The following LARGE1 variants were observed in gnomAD, a reference collection of about 807,000 sequenced individuals.
LARGE1 encodes xylosyl- and glucuronyltransferase LARGE1.
Under a neutral mutation model 87.6 loss-of-function variants are expected in LARGE1, and 43 were observed. That is an observed-to-expected ratio of 0.49 (90% CI 0.38 to 0.63). The LOEUF (loss-of-function observed/expected upper bound fraction) is 0.63, where lower values mean the gene tolerates loss of function less well. Among genes scored for constraint, LARGE1 ranks in the 30% least tolerant of loss-of-function variants. The probability of loss-of-function intolerance (pLI) is 0.00; values close to 1 mark genes in which losing one functional copy is unlikely to be tolerated. For synonymous variants in LARGE1, 434 were observed against 394.6 expected, an observed-to-expected ratio of 1.10 and a Z score of -1.18; for missense variants, 802 against 1,000.2, an observed-to-expected ratio of 0.80 and a Z score of 2.67.
chr22:33,527,611 C>T (rs2071977822), intron 6 of LARGE1, among the ~76,000 whole-genome samples: 1 of 152,062 alleles, frequency 6.6e-6, no homozygotes. Flanking sequence ...TGACACCCAC[C>T]CCACCCAGAG....
intron 2 of LARGE1, among the ~76,000 whole-genome samples, chr22:33,720,347 G>A (rs1308499154): frequency 6.6e-6 from 1 of 152,104 alleles, no homozygotes; most frequent in East Asian, 1.9e-4. Context: ...ATGGGGAGTG[G>A]CTGTAAATAC....
At chr22:33,086,249 T>A in the LARGE1 span, among the ~76,000 whole-genome samples, 1 of 152,238 alleles carries the variant, frequency 6.6e-6, no homozygotes, top group Non-Finnish European at 1.5e-5. Flanking sequence ...AGAAAAATTT[T>A]ATTTCCCACA....
the LARGE1 span, among the ~76,000 whole-genome samples, chr22:33,131,405 T>C: frequency 9.2e-3 from 1,396 of 152,268 alleles, 17 homozygotes; most frequent in African/African-American, 0.03. Flanking sequence ...TGTTCTCTCA[T>C]GTCTCATTGC....
intron 2 of LARGE1, among the ~76,000 whole-genome samples, chr22:33,677,784 TTGTC>T (rs1411674586): frequency 1.3e-5 from 2 of 152,234 alleles, no homozygotes; most frequent in East Asian, 3.8e-4. Flanking sequence ...TACACCCTGT[TTGTC>T]TGTCCAAATT....
intron 1 of LARGE1, among the ~76,000 whole-genome samples, chr22:33,841,831 A>ACTTG (rs1385563713): frequency 6.6e-6 from 1 of 152,218 alleles, no homozygotes; most frequent in African/African-American, 2.4e-5. Flanking sequence ...AGGCTATGTG[A>ACTTG]CTTGCCCTGA....
In LARGE1 at chr22:33,757,837, G is replaced by A. The variant is rs576718874; in HGVS notation, c.106+3534C>T. ...ATTACAAAGAAAATAACGTCTCTGCGGGCCCTTTGGGAAATGCACTGTTGT... is the reference window on the plus strand; with the variant it reads ...ATTACAAAGAAAATAACGTCTCTGCAGGCCCTTTGGGAAATGCACTGTTGT... On this transcript the variant is annotated intron_variant, in intron 2 of 14. Coordinates refer to ENST00000397394, the MANE Select transcript of LARGE1 (RefSeq NM_133642.5). Among the ~76,000 whole-genome samples, 7 of 152,210 alleles carry A rather than the reference G, an allele frequency of 4.6e-5. No individual in the cohort carries two copies. The South Asian group carries it at 8.3e-4, about 18-fold the overall frequency.
At chr22:33,751,438 T>TC (rs1569425982) in intron 2 of LARGE1, among the ~76,000 whole-genome samples, 1 of 151,550 alleles carries the variant, frequency 6.6e-6, no homozygotes, top group East Asian at 1.9e-4. Flanking sequence ...TGAGCAAAGA[T>TC]TGTGCCACTG....
chr22:33,348,131 C>A (rs890674346), intron 9 of LARGE1, among the ~76,000 whole-genome samples: 1 of 151,874 alleles, frequency 6.6e-6, no homozygotes, highest in Non-Finnish European at 1.5e-5. Context: ...AGGAGTGACC[C>A]GAAAAGGGGA....
Position 33,339,376 on chromosome 22 carries a change from G to A in LARGE1, c.1132-1575C>T, listed in dbSNP as rs570469156. Among the ~76,000 whole-genome samples, 10 of 148,166 alleles carry A rather than the reference G, an allele frequency of 6.7e-5. No individual in the cohort carries two copies. The South Asian group carries it at 2.1e-3, about 31-fold the overall frequency. ...AAGATATGGGGTCTTTCCGCACAAG[G>A]GGCGGAAAAATGTTGGTAGTGGCGT... On this transcript the variant is annotated intron_variant, in intron 9 of 14. Transcript: ENST00000397394.
the LARGE1 span, among the ~76,000 whole-genome samples, chr22:33,116,597 T>A: frequency 6.6e-6 from 1 of 151,782 alleles, no homozygotes; most frequent in Non-Finnish European, 1.5e-5. Context: ...TCTCCTGACC[T>A]CGTGATCCGC....
chr22:33,785,113 ATGTGTATATG>A (rs1363976561), intron 1 of LARGE1, among the ~76,000 whole-genome samples: 6 of 60,796 alleles, frequency 9.9e-5, no homozygotes, highest in Admixed American at 8.9e-4. Flanking sequence ...ATACATACAT[ATGTGTATATG>A]CATATATGTG....
At chr22:33,205,589 C>CT (rs1568973029) in intron 11 of LARGE1, among the ~76,000 whole-genome samples, 5 of 152,266 alleles carry the variant, frequency 3.3e-5, no homozygotes, top group African/African-American at 1.2e-4. Context: ...TTCAGTTTCA[C>CT]TAAAGGAGAA....
intron 1 of LARGE1, among the ~76,000 whole-genome samples, chr22:33,812,564 C>T (rs76297586): frequency 0.028 from 4,302 of 152,318 alleles, 78 homozygotes; most frequent in Non-Finnish European, 0.041. Flanking sequence ...CTCACTCAAT[C>T]ACACATTCAT....
At chr22:33,765,359 T>A (rs1345525167) in intron 1 of LARGE1, among the ~76,000 whole-genome samples, 2 of 152,124 alleles carry the variant, frequency 1.3e-5, no homozygotes, top group Non-Finnish European at 2.9e-5. Context: ...AAATATATCA[T>A]AACTGTTAAC....
intron 7 of LARGE1, among the ~76,000 whole-genome samples, chr22:33,414,357 G>A (rs182268863): frequency 1.0e-3 from 157 of 152,104 alleles, no homozygotes; most frequent in African/African-American, 3.8e-3. Context: ...TCTGTTATAT[G>A]AAATATAACA....
chr22:33,492,863 A>T (rs1276583946), intron 6 of LARGE1, among the ~76,000 whole-genome samples: 1 of 152,150 alleles, frequency 6.6e-6, no homozygotes, highest in African/African-American at 2.4e-5. Context: ...AGTATCTGAT[A>T]AAAGCTGAAT....
chr22:33,599,001 C>T (rs939581420), intron 5 of LARGE1, among the ~76,000 whole-genome samples: 3 of 152,130 alleles, frequency 2.0e-5, no homozygotes, highest in African/African-American at 7.2e-5. Flanking sequence ...GATGTTAGAC[C>T]ACAGCCTGTG....
At chr22:33,135,284 T>A in the LARGE1 span, among the ~76,000 whole-genome samples, 1 of 152,142 alleles carries the variant, frequency 6.6e-6, no homozygotes, top group Non-Finnish European at 1.5e-5. Flanking sequence ...TTGTGCAAAG[T>A]TTCCCTTGCT....
intron 1 of LARGE1, among the ~76,000 whole-genome samples, chr22:33,860,140 A>T (rs913713984): frequency 6.6e-6 from 1 of 152,072 alleles, no homozygotes; most frequent in Non-Finnish European, 1.5e-5. Flanking sequence ...AAAAAATTTT[A>T]AATTTTTTTT....
Sources: allele counts gnomAD v4.1 joint callset (sites outside exome capture counted in the v4.1 genomes callset), GRCh38; gene constraint gnomAD v4.1.1; transcripts MANE v1.5; gene names NCBI Gene and HGNC (gene_info 2026-07-23, HGNC 2026-07-21).